Variants in TAF3 observed in about 807,000 individuals in gnomAD.
The protein encoded by TAF3 is transcription initiation factor TFIID subunit 3.
In TAF3, 7 loss-of-function variants were observed where a neutral mutation model predicts 80.6. The ratio of observed to expected loss-of-function variants is 0.09; its 90% confidence interval spans 0.05 to 0.16. The LOEUF (loss-of-function observed/expected upper bound fraction) is 0.16. Among genes scored for constraint, TAF3 ranks in the 10% least tolerant of loss-of-function variants. The pLI is 1.00. For synonymous variants in TAF3, 444 were observed against 446.1 expected, an observed-to-expected ratio of 1.00 and a Z score of 0.06; for missense variants, 921 against 1,140.2, an observed-to-expected ratio of 0.81 and a Z score of 2.77.
At chr10:7,980,308 C>G (rs1203887496) in intron 4 of TAF3, among the ~76,000 whole-genome samples, 1 of 152,206 alleles carries the variant, frequency 6.6e-6, no homozygotes, top group Non-Finnish European at 1.5e-5. Context: ...TATTTACTTT[C>G]TGAGTCTTAA....
chr10:7,837,513 C>G (rs1244079309), intron 2 of TAF3, among the ~76,000 whole-genome samples: 1 of 151,590 alleles, frequency 6.6e-6, no homozygotes, highest in Non-Finnish European at 1.5e-5. Flanking sequence ...CGTGGTGGTG[C>G]GTGCCTGTAA....
chr10:8,000,088 G>C (rs527335521), intron 4 of TAF3, among the ~76,000 whole-genome samples: 3 of 152,080 alleles, frequency 2.0e-5, no homozygotes, highest in Admixed American at 6.5e-5. Context: ...CAGTTTAGAC[G>C]TATACATTGT....
chr10:7,932,669 A>ATTTTTTTTTTTTTTTTTTTTTTTT (rs34907761), intron 2 of TAF3, among the ~76,000 whole-genome samples: 2 of 78,810 alleles, frequency 2.5e-5, no homozygotes, highest in Admixed American at 1.6e-4. Context: ...GTTCCACTTA[A>ATTTTTTTTTTTTTTTTTTTTTTTT]TTTTTTTTTT....
At chr10:7,894,918 C>G (rs1484205146) in intron 2 of TAF3, among the ~76,000 whole-genome samples, 1 of 152,104 alleles carries the variant, frequency 6.6e-6, no homozygotes, top group East Asian at 1.9e-4. Context: ...CTCTGCCACC[C>G]AGGCTGGAGT....
intron 2 of TAF3, among the ~76,000 whole-genome samples, chr10:7,924,875 A>G (rs1837800387): frequency 6.6e-6 from 1 of 152,148 alleles, no homozygotes; most frequent in Admixed American, 6.5e-5. Flanking sequence ...TATCTCACTT[A>G]AAACGTAAGT....
chr10:7,980,494 C>T (rs1382289130), intron 4 of TAF3, among the ~76,000 whole-genome samples: 1 of 152,176 alleles, frequency 6.6e-6, no homozygotes. Flanking sequence ...AGGACCTCCT[C>T]CTGATAGTGT....
Position 7,893,667 on chromosome 10 carries a change from T to A in TAF3, c.409+69107T>A, listed in dbSNP as rs183049007. Among the ~76,000 whole-genome samples, 77 of 152,316 alleles carry A rather than the reference T, an allele frequency of 5.1e-4. 2 individuals are homozygous for A. The highest frequency in any genetic ancestry group is 2.1e-4 in the Non-Finnish European group (14 of 68,030). On this transcript the variant is annotated intron_variant, in intron 2 of 6. Transcript: ENST00000344293. ...TGCCCTGACTCTTGCCAGTTCCTTC[T>A]TATCATCCCTTTGCTTCTAGCGTAG...
intron 5 of TAF3, among the ~76,000 whole-genome samples, chr10:8,010,603 C>A (rs1336332342): frequency 1.3e-5 from 2 of 152,190 alleles, no homozygotes; most frequent in East Asian, 3.8e-4. Flanking sequence ...AGTATCCAAG[C>A]ATGATTTCAA....
intron 2 of TAF3, among the ~76,000 whole-genome samples, chr10:7,907,792 G>A (rs1185451469): frequency 2.0e-5 from 3 of 152,208 alleles, no homozygotes; most frequent in Non-Finnish European, 4.4e-5. Flanking sequence ...AAGGTGTTTG[G>A]TGAGTGGGCC....
At chr10:7,855,369 C>T (rs141597555) in intron 2 of TAF3, among the ~76,000 whole-genome samples, 20 of 152,314 alleles carry the variant, frequency 1.3e-4, no homozygotes, top group African/African-American at 4.3e-4. Flanking sequence ...TGTGATAACA[C>T]ACCAGACCAG....
intron 2 of TAF3, among the ~76,000 whole-genome samples, chr10:7,942,166 C>T (rs1837982331): frequency 6.6e-6 from 1 of 152,174 alleles, no homozygotes; most frequent in African/African-American, 2.4e-5. Context: ...AGACATCCCT[C>T]TGTGAGAGCC....
intron 2 of TAF3, among the ~76,000 whole-genome samples, chr10:7,909,428 A>C (rs1225746713): frequency 4.6e-5 from 7 of 152,222 alleles, no homozygotes; most frequent in Non-Finnish European, 1.0e-4. Flanking sequence ...CACTTCTGCC[A>C]AATTAAAGAC....
At chr10:7,939,387 A>G (rs913818496) in intron 2 of TAF3, among the ~76,000 whole-genome samples, 2 of 152,140 alleles carry the variant, frequency 1.3e-5, no homozygotes, top group African/African-American at 4.8e-5. Flanking sequence ...CATACTGACA[A>G]TAACATTTTA....
intron 5 of TAF3, among the ~76,000 whole-genome samples, chr10:8,013,361 G>C (rs1427713535): frequency 6.6e-6 from 1 of 151,604 alleles, no homozygotes; most frequent in Non-Finnish European, 1.5e-5. Flanking sequence ...AAAATCAGTT[G>C]TTACCACCCT....
chr10:7,850,295 C>A (rs562921459), intron 2 of TAF3, among the ~76,000 whole-genome samples: 1 of 152,136 alleles, frequency 6.6e-6, no homozygotes, highest in Non-Finnish European at 1.5e-5. Flanking sequence ...TATACTGCGA[C>A]GGATAGGACA....
intron 2 of TAF3, among the ~76,000 whole-genome samples, chr10:7,848,307 T>C (rs1836992404): frequency 6.6e-6 from 1 of 152,182 alleles, no homozygotes; most frequent in Non-Finnish European, 1.5e-5. Context: ...CAATTGGGAA[T>C]AGTTAGAAGG....
In TAF3 at chr10:7,964,040, G is replaced by A. The variant is rs756497795; in HGVS notation, c.530G>A (p.Gly177Asp). Residue 177 changes from glycine to aspartate, a missense_variant, in exon 3 of 7, where the codon GGC (glycine) becomes GAC (aspartate). Gly to Asp is a moderately conservative substitution (Grantham distance 94). Coordinates refer to ENST00000344293, the MANE Select transcript of TAF3 (RefSeq NM_031923.4). The surrounding 1 kb of genome is among the most constrained non-coding windows in gnomAD (Gnocchi z 4.1). ...EEIINDENFL[G>D]KRPLDSPEAE... ...ATTATTAATGATGAGAATTTCCTGG[G>A]CAAGAGACCACTGGATAGTCCTGAA... is the stretch of plus-strand genomic sequence containing the variant. 3.1e-6 allele frequency: 5 copies of A among 1,614,072 alleles called. No individual in the cohort carries two copies. The highest frequency in any genetic ancestry group is 4.2e-6 in the Non-Finnish European group (5 of 1,180,012).
intron 4 of TAF3, among the ~76,000 whole-genome samples, chr10:8,007,565 TA>T (rs1554789448): frequency 1.9e-3 from 5 of 2,604 alleles, no homozygotes; most frequent in African/African-American, 3.6e-3. Flanking sequence ...TGTGAAATTA[TA>T]TATATATATA....
Position 7,820,716 on chromosome 10 carries a change from A to G in TAF3, c.166+1841A>G, listed in dbSNP as rs183221324. On this transcript the variant is annotated intron_variant, in intron 1 of 6. Coordinates refer to ENST00000344293, the MANE Select transcript of TAF3 (RefSeq NM_031923.4). Reference sequence around the variant, plus strand: ...GGTTATATTGCTCAGGCTTGTGTCAAACTCCTGGGCTCAAGTGATCCTCCT... The same window carrying G: ...GGTTATATTGCTCAGGCTTGTGTCAGACTCCTGGGCTCAAGTGATCCTCCT... 2.3e-3 allele frequency among the ~76,000 whole-genome samples: 354 copies of G among 152,330 alleles called. 3 individuals carry two copies. Among genetic ancestry groups the G allele is most frequent in the East Asian group, 1.9e-3 (10 of 5,188 alleles).
Sources: gnomAD v4.1 joint callset for allele counts (sites outside exome capture counted in the v4.1 genomes callset) on GRCh38, gnomAD v4.1.1 for gene constraint, Gnocchi (gnomAD v3.1) non-coding constraint, MANE v1.5 for transcripts, NCBI Gene and HGNC (gene_info 2026-07-23, HGNC 2026-07-21) for gene names.